Variants in SEC31A observed in about 807,000 individuals in gnomAD.
SEC31A encodes protein transport protein Sec31A.
SEC31A carries 70 observed loss-of-function variants against 151.0 expected under a neutral mutation model. The observed-to-expected ratio is 0.46, with a 90% CI of 0.38 to 0.57. The LOEUF (loss-of-function observed/expected upper bound fraction) is 0.57. Ranked by LOEUF, SEC31A falls within the 20% of genes least tolerant of loss-of-function variation. SEC31A has a pLI of 0.00. For synonymous variants in SEC31A, 475 were observed against 505.9 expected (o/e 0.94, Z 0.82); for missense variants, 1,330 against 1,471.2 (o/e 0.90, Z 1.57).
chr4:82,865,867 C>T (rs895364224), intron 10 of SEC31A, among the ~76,000 whole-genome samples: 2 of 151,632 alleles, frequency 1.3e-5, no homozygotes, highest in African/African-American at 2.4e-5. Flanking sequence ...TGCACAACAA[C>T]GTGTATATAG....
chr4:82,862,073 C>T (rs1206785063), intron 13 of SEC31A, among the ~76,000 whole-genome samples: 3 of 151,498 alleles, frequency 2.0e-5, no homozygotes, highest in African/African-American at 7.3e-5. Flanking sequence ...CCACCACGCC[C>T]AGCTAATTTT....
chr4:82,893,500 GTAC>G (rs1437647822), upstream of SEC31A: 3 of 152,224 alleles, frequency 2.0e-5, no homozygotes, highest in Non-Finnish European at 4.4e-5. Flanking sequence ...ATAGCAGCCA[GTAC>G]TATGCTTACA....
chr4:82,841,450 A>T (rs1226669703), intron 22 of SEC31A, among the ~76,000 whole-genome samples: 6 of 53,278 alleles, frequency 1.1e-4, no homozygotes, highest in African/African-American at 4.5e-4. Flanking sequence ...TTTTATATAT[A>T]TATATATATA....
intron 22 of SEC31A, among the ~76,000 whole-genome samples, chr4:82,833,295 T>C (rs1726413377): frequency 6.6e-6 from 1 of 152,106 alleles, no homozygotes; most frequent in African/African-American, 2.4e-5. Flanking sequence ...CTCAGCAAAC[T>C]ATCACAAGAT....
In SEC31A at chr4:82,871,720, T is replaced by C. The variant is rs1032744051; in HGVS notation, c.782+224A>G. The stretch of plus-strand genomic sequence containing the variant: ...CTGGCATGGTGGCTTGCGCCTGTAA[T>C]CCCAGCTACTCAGGAGGCTGAGGCA... On this transcript the variant is annotated intron_variant, in intron 7 of 26. Coordinates refer to ENST00000395310, the MANE Select transcript of SEC31A (RefSeq NM_001077207.4). 6.6e-5 allele frequency: 37 copies of C among 557,308 alleles called. No homozygotes were observed. The Middle Eastern group carries it at 1.5e-3, about 22-fold the overall frequency. The allele number at this position is 557,308 out of a possible 1,614,324, so 34.5% of individuals were successfully genotyped here. A position where few individuals can be genotyped will look rare whatever the true frequency, so the allele number is the denominator to read the frequency against.
intron 14 of SEC31A, among the ~76,000 whole-genome samples, chr4:82,859,773 A>G (rs942897942): frequency 3.2e-4 from 47 of 147,796 alleles, no homozygotes; most frequent in African/African-American, 1.1e-3. Context: ...ACATTCATTA[A>G]CAAACTTGCA....
At position 82,818,943 on chromosome 4, in the gene SEC31A, A is replaced by C. The variant is rs1722760409; in HGVS notation, c.*131T>G. 1.6e-6 allele frequency: 1 copy of C among 642,114 alleles called. No individual in the cohort carries two copies. The highest frequency in any genetic ancestry group is 2.5e-6 in the Non-Finnish European group (1 of 394,246). 39.8% of individuals were successfully genotyped at this position (642,114 alleles called of 1,614,324 possible). ...GTTCTAAGGTGAGTATATCAGCAGAAATAGTGTAAATGCTCTTGACTGGTT... is the reference window on the plus strand; with the variant it reads ...GTTCTAAGGTGAGTATATCAGCAGACATAGTGTAAATGCTCTTGACTGGTT... On this transcript the variant is annotated 3_prime_UTR_variant, in exon 27 of 27. Transcript: ENST00000395310.
intron 25 of SEC31A, chr4:82,821,568 A>AAAAAAAAAAAAAAAAC (rs1261205564): frequency 6.6e-6 from 1 of 152,596 alleles, no homozygotes; most frequent in Non-Finnish European, 1.4e-5. Context: ...AAAAAAAAAA[A>AAAAAAAAAAAAAAAAC]AAGAAACTTG....
intron 22 of SEC31A, among the ~76,000 whole-genome samples, chr4:82,835,113 C>T (rs781078101): frequency 6.6e-6 from 1 of 152,180 alleles, no homozygotes; most frequent in Non-Finnish European, 1.5e-5. Flanking sequence ...TCCCAAAGTG[C>T]TGGGATTACA....
chr4:82,826,499 G>A (rs1285413421), intron 24 of SEC31A, among the ~76,000 whole-genome samples: 1 of 152,046 alleles, frequency 6.6e-6, no homozygotes, highest in Non-Finnish European at 1.5e-5. Context: ...GACTACAGGC[G>A]CCGCCACCAC....
chr4:82,861,172 A>C (rs1340025091), intron 14 of SEC31A, among the ~76,000 whole-genome samples: 2 of 152,176 alleles, frequency 1.3e-5, no homozygotes, highest in African/African-American at 2.4e-5. Flanking sequence ...AACTAAGGAC[A>C]CATTTATTGA....
intron 10 of SEC31A, 149 bp downstream of exon 10, chr4:82,866,659 G>A: frequency 1.5e-6 from 1 of 676,266 alleles, no homozygotes; most frequent in Non-Finnish European, 2.3e-6. Context: ...CAATTTTTCA[G>A]AGAAACCATT....
chr4:82,866,316 C>T (rs1735382042), intron 10 of SEC31A, among the ~76,000 whole-genome samples: 1 of 152,020 alleles, frequency 6.6e-6, no homozygotes, highest in African/African-American at 2.4e-5. Context: ...ACTAAAAATA[C>T]AAAAACCAGC....
At chr4:82,843,129 G>GT (rs367954736) in intron 21 of SEC31A, among the ~76,000 whole-genome samples, 341 of 141,010 alleles carry the variant, frequency 2.4e-3, no homozygotes, top group South Asian at 4.5e-3. Context: ...GGAGTTGTGG[G>GT]TTTTTTTTTT....
intron 6 of SEC31A, among the ~76,000 whole-genome samples, chr4:82,873,355 CAA>C (rs763404751): frequency 1.8e-5 from 2 of 112,976 alleles, no homozygotes; most frequent in Non-Finnish European, 3.7e-5. Flanking sequence ...GAGTCCCTCT[CAA>C]AAAAAAAAAA....
intron 24 of SEC31A, among the ~76,000 whole-genome samples, chr4:82,825,356 A>G (rs1325953265): frequency 1.3e-5 from 2 of 152,240 alleles, no homozygotes; most frequent in Non-Finnish European, 2.9e-5. Context: ...TGGAAGAGGC[A>G]CAGTTTAAAA....
intron 22 of SEC31A, among the ~76,000 whole-genome samples, chr4:82,830,076 T>C (rs1427905797): frequency 6.6e-6 from 1 of 152,218 alleles, no homozygotes. Flanking sequence ...GATATACATA[T>C]TAAGTCACAA....
At chr4:82,848,613 C>T (rs1477902946) in intron 20 of SEC31A, among the ~76,000 whole-genome samples, 191 bp downstream of exon 20, 1 of 152,082 alleles carries the variant, frequency 6.6e-6, no homozygotes, top group Non-Finnish European at 1.5e-5. Flanking sequence ...ATCTGTTTGA[C>T]TAAATGAGAG....
At position 82,861,720 on chromosome 4, in the gene SEC31A, A is replaced by C. The variant is rs756253525; in HGVS notation, c.1549-12T>G. 6 of 1,587,504 alleles carry C rather than the reference A, an allele frequency of 3.8e-6. No individual in the cohort carries two copies. The highest frequency in any genetic ancestry group is 5.2e-6 in the Non-Finnish European group (6 of 1,159,476). ...GAGTCTTTAAGAGCCTTTGGTACAC[A>C]AAACAATTACAGGGGAAGGTGAAGA... On this transcript the variant is annotated splice_polypyrimidine_tract_variant and intron_variant, in intron 13 of 26. Transcript: ENST00000395310.
Sources: gnomAD v4.1 joint callset for allele counts (sites outside exome capture counted in the v4.1 genomes callset) on GRCh38, gnomAD v4.1.1 for gene constraint, MANE v1.5 for transcripts, NCBI Gene and HGNC (gene_info 2026-07-23, HGNC 2026-07-21) for gene names.